Variants in CADM2 observed in about 807,000 individuals in gnomAD.
The protein encoded by CADM2 is immunoglobulin superfamily member 4D.
CADM2 carries 12 observed loss-of-function variants against 49.8 expected under a neutral mutation model. The ratio of observed to expected loss-of-function variants is 0.24; its 90% CI spans 0.15 to 0.39. The LOEUF is 0.39. Ranked by LOEUF, CADM2 falls within the 10% of genes least tolerant of loss-of-function variation. CADM2 has a pLI of 1.00. For missense variants in CADM2, 378 were observed against 492.3 expected, an observed-to-expected ratio of 0.77 and a Z score of 2.20; for synonymous variants, 214 against 175.4, an observed-to-expected ratio of 1.22 and a Z score of -1.74.
intron 1 of CADM2, among the ~76,000 whole-genome samples, chr3:85,044,804 CTTTTT>C (rs56232557): frequency 1.4e-5 from 2 of 142,376 alleles, no homozygotes; most frequent in Admixed American, 1.4e-4. Flanking sequence ...TTTTTCTTTT[CTTTTT>C]TTTTTTTGGA....
At chr3:85,168,853 A>G (rs1192930265) in intron 1 of CADM2, among the ~76,000 whole-genome samples, 1 of 152,150 alleles carries the variant, frequency 6.6e-6, no homozygotes, top group Non-Finnish European at 1.5e-5. Context: ...ATATTTGTCT[A>G]TTTTTTGGCA....
At chr3:85,058,301 G>A (rs1200743216) in intron 1 of CADM2, among the ~76,000 whole-genome samples, 1 of 152,082 alleles carries the variant, frequency 6.6e-6, no homozygotes, top group Non-Finnish European at 1.5e-5. Context: ...AAAGAAATCT[G>A]GGAGGTTATG....
At chr3:85,296,909 TA>T (rs1211701522) in intron 1 of CADM2, among the ~76,000 whole-genome samples, 3 of 152,228 alleles carry the variant, frequency 2.0e-5, no homozygotes, top group African/African-American at 7.2e-5. Context: ...GTTTCTCAGC[TA>T]AAATAGAGTA....
chr3:85,705,032 T>C (rs2107720236), intron 1 of CADM2, among the ~76,000 whole-genome samples: 1 of 149,832 alleles, frequency 6.7e-6, no homozygotes, highest in East Asian at 2.0e-4. Context: ...CTAAATTTTT[T>C]TTTTTTTTTT....
intron 1 of CADM2, among the ~76,000 whole-genome samples, chr3:85,701,967 TAGACATAG>T (rs1187583891): frequency 2.6e-5 from 3 of 113,678 alleles, no homozygotes; most frequent in South Asian, 2.9e-4. Context: ...TGTAGATAGA[TAGACATAG>T]ATAGATAGAT....
chr3:85,981,116 GA>G (rs570530750), intron 8 of CADM2, among the ~76,000 whole-genome samples: 8 of 147,672 alleles, frequency 5.4e-5, no homozygotes, highest in African/African-American at 1.5e-4. Flanking sequence ...CCGGTCTTTT[GA>G]AAAAAAAATC....
intron 1 of CADM2, among the ~76,000 whole-genome samples, chr3:85,257,803 G>C (rs1307985352): frequency 6.6e-6 from 1 of 151,936 alleles, no homozygotes; most frequent in Non-Finnish European, 1.5e-5. Context: ...ATTTCCAAGA[G>C]TTTTAAAAAT....
chr3:85,022,069 C>T (rs1253111989), intron 1 of CADM2, among the ~76,000 whole-genome samples: 3 of 152,184 alleles, frequency 2.0e-5, no homozygotes, highest in South Asian at 2.1e-4. Context: ...GGAAAAATAA[C>T]GTAAGAACAA....
chr3:85,841,683 G>T (rs1040046966), intron 3 of CADM2, among the ~76,000 whole-genome samples: 2 of 151,884 alleles, frequency 1.3e-5, no homozygotes, highest in East Asian at 1.9e-4. Flanking sequence ...CATAATTAAG[G>T]TTCAAAAAAC....
chr3:85,247,400 T>C (rs1026639999), intron 1 of CADM2, among the ~76,000 whole-genome samples: 1 of 152,102 alleles, frequency 6.6e-6, no homozygotes, highest in African/African-American at 2.4e-5. Flanking sequence ...ATAACTGTTG[T>C]TTTAAGGAGT....
At chr3:85,160,549 A>T (rs143601042) in intron 1 of CADM2, among the ~76,000 whole-genome samples, 313 of 152,244 alleles carry the variant, frequency 2.1e-3, no homozygotes, top group Non-Finnish European at 3.9e-3. Context: ...TTTAAAAATG[A>T]GTTTTTTAAA....
At chr3:85,405,060 C>T (rs2035305008) in intron 1 of CADM2, among the ~76,000 whole-genome samples, 1 of 152,044 alleles carries the variant, frequency 6.6e-6, no homozygotes, top group African/African-American at 2.4e-5. Context: ...TTGGATAAAT[C>T]ATTAGTGCAA....
At chr3:85,796,092 C>G (rs544017624) in intron 2 of CADM2, among the ~76,000 whole-genome samples, 9 of 152,272 alleles carry the variant, frequency 5.9e-5, no homozygotes, top group African/African-American at 1.9e-4. Flanking sequence ...TTTAAAGAAG[C>G]AAACAGTCTT....
chr3:85,771,761 T>C (rs904462900), intron 2 of CADM2, among the ~76,000 whole-genome samples: 4 of 152,102 alleles, frequency 2.6e-5, no homozygotes, highest in Non-Finnish European at 5.9e-5. Flanking sequence ...AGGATTTTTC[T>C]TTCCAAAATG....
intron 6 of CADM2, among the ~76,000 whole-genome samples, chr3:85,923,354 C>G (rs1719390583): frequency 1.3e-5 from 2 of 152,040 alleles, no homozygotes; most frequent in African/African-American, 4.8e-5. Context: ...TAGAATTTAT[C>G]TAGAGTATCA....
At chr3:85,324,382 A>C (rs1472406839) in intron 1 of CADM2, among the ~76,000 whole-genome samples, 1 of 152,166 alleles carries the variant, frequency 6.6e-6, no homozygotes, top group Non-Finnish European at 1.5e-5. Context: ...GTTTCCACGT[A>C]CTACCTTGCC....
chr3:85,079,561 A>G (rs1488686324), intron 1 of CADM2, among the ~76,000 whole-genome samples: 2 of 151,906 alleles, frequency 1.3e-5, no homozygotes, highest in Non-Finnish European at 1.5e-5. Flanking sequence ...AAACAGAAAC[A>G]TAGTGTTAGG....
chr3:85,050,387 C>T (rs183182524), intron 1 of CADM2, among the ~76,000 whole-genome samples: 34 of 152,104 alleles, frequency 2.2e-4, no homozygotes, highest in East Asian at 1.4e-3. Context: ...ATGAAAACTC[C>T]GGAAATATGT....
At chr3:85,381,812 T>C (rs897115066) in intron 1 of CADM2, among the ~76,000 whole-genome samples, 3 of 152,008 alleles carry the variant, frequency 2.0e-5, no homozygotes, top group Admixed American at 2.0e-4. Flanking sequence ...GTTGTAAGGA[T>C]GTCTCTACCT....
Sources: allele counts gnomAD v4.1 joint callset (sites outside exome capture counted in the v4.1 genomes callset), GRCh38; gene constraint gnomAD v4.1.1; transcripts MANE v1.5; gene names NCBI Gene and HGNC (gene_info 2026-07-23, HGNC 2026-07-21).